ABCC4: variants seen among roughly 807,000 people sequenced by gnomAD.
ABCC4 encodes the protein ATP-binding cassette sub-family C member 4.
In ABCC4, 102 loss-of-function variants were observed where a neutral mutation model predicts 168.5. The observed-to-expected ratio is 0.61, with a 90% CI of 0.52 to 0.71. The LOEUF is 0.71. ABCC4 is among the 30% of genes least tolerant of loss of function. ABCC4 has a pLI of 0.00. For missense variants in ABCC4, 1,402 were observed against 1,605.8 expected (o/e 0.87, Z 2.17); for synonymous variants, 617 against 590.7 (o/e 1.04, Z -0.65).
chr13:95,048,034 C>T (rs544913325), intron 27 of ABCC4, among the ~76,000 whole-genome samples: 1 of 152,210 alleles, frequency 6.6e-6, no homozygotes, highest in East Asian at 1.9e-4. Flanking sequence ...ACAAGGATAC[C>T]TCATTTTGTG....
At chr13:95,101,591 A>G (rs1226210666) in intron 20 of ABCC4, among the ~76,000 whole-genome samples, 3 of 152,176 alleles carry the variant, frequency 2.0e-5, no homozygotes, top group African/African-American at 7.2e-5. Context: ...GATTTTAGCT[A>G]GCAGAAGTCT....
chr13:95,027,244 C>T (rs1055966173), intron 30 of ABCC4, among the ~76,000 whole-genome samples: 1 of 151,934 alleles, frequency 6.6e-6, no homozygotes, highest in African/African-American at 2.4e-5. Flanking sequence ...TGGTATAGAG[C>T]ATTGTTTTGC....
intron 19 of ABCC4, among the ~76,000 whole-genome samples, chr13:95,148,217 T>C (rs1278929192): frequency 4.6e-5 from 7 of 152,280 alleles, no homozygotes; most frequent in East Asian, 1.9e-4. Flanking sequence ...ATTCTCTTAA[T>C]TGTCACTCAC....
At chr13:95,026,333 G>C (rs892032081) in intron 30 of ABCC4, among the ~76,000 whole-genome samples, 2 of 148,714 alleles carry the variant, frequency 1.3e-5, no homozygotes, top group African/African-American at 4.9e-5. Flanking sequence ...GTGAGACACA[G>C]GATAGGATTG....
intron 26 of ABCC4, chr13:95,054,020 CCTTTTTTT>C (rs2032954050): frequency 1.4e-5 from 1 of 73,168 alleles, no homozygotes; most frequent in Non-Finnish European, 2.4e-5. Context: ...AATGGGACAT[CCTTTTTTT>C]TTTTTTTTTT....
At chr13:95,068,088 T>G (rs756582587) in intron 25 of ABCC4, among the ~76,000 whole-genome samples, 2 of 152,198 alleles carry the variant, frequency 1.3e-5, no homozygotes, top group Non-Finnish European at 2.9e-5. Flanking sequence ...GATGAAGCAA[T>G]TGAAAGAGAA....
chr13:95,163,245 A>G, intron 17 of ABCC4, 29 bp from the exon 18 acceptor site: 1 of 1,406,274 alleles, frequency 7.1e-7, no homozygotes, highest in Non-Finnish European at 9.9e-7. Context: ...AAAAAATATT[A>G]AGCTATATAT....
In ABCC4 at chr13:95,020,466, G is replaced by A. The variant is rs1362676131; in HGVS notation, c.*1109C>T. ...AGTACAAAAGGTCCCAGGAAGTATTGTGGTTTGTTGATTCATTCAACAGAA... is the reference window on the plus strand; with the variant it reads ...AGTACAAAAGGTCCCAGGAAGTATTATGGTTTGTTGATTCATTCAACAGAA... On this transcript the variant is annotated 3_prime_UTR_variant, in exon 31 of 31. Coordinates refer to ENST00000645237, the MANE Select transcript of ABCC4 (RefSeq NM_005845.5). 1 of 152,484 alleles carries A rather than the reference G, an allele frequency of 6.6e-6. No individual in the cohort carries two copies. The highest frequency in any genetic ancestry group is 6.5e-5 in the Admixed American group (1 of 15,276). The allele number at this position is 152,484 out of a possible 1,614,324, so 9.4% of individuals were successfully genotyped here. A position where few individuals can be genotyped will look rare whatever the true frequency, so the allele number is the denominator to read the frequency against.
At chr13:95,117,259 A>G (rs1239246561) in intron 19 of ABCC4, among the ~76,000 whole-genome samples, 1 of 151,580 alleles carries the variant, frequency 6.6e-6, no homozygotes, top group East Asian at 1.9e-4. Flanking sequence ...GCCTGTTAAA[A>G]AAAAAAAAAA....
chr13:95,256,474 G>T (rs557534220), intron 1 of ABCC4, among the ~76,000 whole-genome samples: 12 of 152,308 alleles, frequency 7.9e-5, no homozygotes, highest in Admixed American at 2.6e-4. Flanking sequence ...TCAGGCCATT[G>T]GCCGGGGACT....
intron 13 of ABCC4, among the ~76,000 whole-genome samples, chr13:95,174,043 A>T (rs914607059): frequency 2.0e-5 from 3 of 152,228 alleles, no homozygotes; most frequent in African/African-American, 7.2e-5. Context: ...GCCTGAATGG[A>T]CTAAGACAAA....
intron 30 of ABCC4, among the ~76,000 whole-genome samples, chr13:95,034,378 CAT>C (rs1006666879): frequency 1.3e-5 from 2 of 152,226 alleles, no homozygotes; most frequent in Non-Finnish European, 2.9e-5. Flanking sequence ...GGCATGCACA[CAT>C]GTGTGCACAC....
At chr13:95,132,058 C>A (rs1280426793) in intron 19 of ABCC4, among the ~76,000 whole-genome samples, 1 of 152,138 alleles carries the variant, frequency 6.6e-6, no homozygotes, top group African/African-American at 2.4e-5. Context: ...CCCAAGACAT[C>A]AATAACAAAT....
Position 95,073,268 on chromosome 13 carries a change from T to C in ABCC4, c.2954A>G (p.Tyr985Cys), listed in dbSNP as rs771509326. Reference sequence around the variant, plus strand: ...AAACATCCCCATGAGCGTGAGGGCATAGGACAGTGCCAAACCAACCTGCCC... The same window carrying C: ...AAACATCCCCATGAGCGTGAGGGCACAGGACAGTGCCAAACCAACCTGCCC... ...DAGQVGLALSYALTLMGMFQW... is the reference protein window; with the variant it reads ...DAGQVGLALSCALTLMGMFQW... Residue 985 changes from tyrosine to cysteine, a missense_variant, in exon 24 of 31, where the codon TAT becomes TGT. By Grantham distance (194) the Tyr-to-Cys change is radical. Transcript: ENST00000645237. The C allele has an allele frequency of 4.3e-6, 7 of 1,613,936 alleles. No homozygotes were observed. The East Asian group carries it at 1.1e-4, about 26-fold the overall frequency.
At chr13:95,105,723 T>C (rs1402024751) in intron 20 of ABCC4, among the ~76,000 whole-genome samples, 2 of 152,068 alleles carry the variant, frequency 1.3e-5, no homozygotes, top group African/African-American at 4.8e-5. Flanking sequence ...ATGGGGTAAG[T>C]GAAGAGTTCC....
intron 1 of ABCC4, 138 bp from the exon 2 acceptor site, chr13:95,247,891 G>C (rs369205816): frequency 2.0e-6 from 1 of 496,388 alleles, no homozygotes; most frequent in African/African-American, 3.9e-5. Flanking sequence ...TGAATATATA[G>C]AGCTAGAGAG....
intron 30 of ABCC4, among the ~76,000 whole-genome samples, chr13:95,031,531 A>G (rs2031876963): frequency 6.6e-6 from 1 of 152,214 alleles, no homozygotes; most frequent in Non-Finnish European, 1.5e-5. Flanking sequence ...TGTGAGGATT[A>G]AGTAGAATCA....
At chr13:95,275,906 G>A (rs1055823623) in intron 1 of ABCC4, among the ~76,000 whole-genome samples, 2 of 152,150 alleles carry the variant, frequency 1.3e-5, no homozygotes, top group Non-Finnish European at 2.9e-5. Context: ...CTGTCAATGG[G>A]ATAGATTTTA....
intron 13 of ABCC4, 47 bp from the exon 14 acceptor site, chr13:95,170,675 C>T (rs538309679): frequency 7.8e-6 from 9 of 1,152,812 alleles, no homozygotes; most frequent in African/African-American, 4.6e-5. Context: ...GAATGGGGTG[C>T]TCCACATTGA....
Sources: gnomAD v4.1 joint callset for allele counts (sites outside exome capture counted in the v4.1 genomes callset) on GRCh38, gnomAD v4.1.1 for gene constraint, MANE v1.5 for transcripts, NCBI Gene and HGNC (gene_info 2026-07-23, HGNC 2026-07-21) for gene names.